Variants in FSTL5 observed in about 807,000 individuals in gnomAD.
FSTL5 encodes the protein follistatin like 5.
In FSTL5, 62 loss-of-function variants were observed where a neutral mutation model predicts 89.1. The observed-to-expected ratio is 0.70, with a 90% CI of 0.57 to 0.86. The LOEUF is 0.86. Among genes scored for constraint, FSTL5 ranks in the 40% least tolerant of loss-of-function variants. The pLI is 0.00. For synonymous variants in FSTL5, 383 were observed against 346.2 expected (o/e 1.11, Z -1.18); for missense variants, 1,057 against 1,001.6 (o/e 1.06, Z -0.75).
chr4:161,894,222 T>G (rs1255851357), intron 4 of FSTL5, among the ~76,000 whole-genome samples: 1 of 152,126 alleles, frequency 6.6e-6, no homozygotes, highest in Non-Finnish European at 1.5e-5. Context: ...TCAGGCCTCT[T>G]TGACTCCAGA....
At chr4:161,493,314 T>C (rs1317286733) in intron 12 of FSTL5, among the ~76,000 whole-genome samples, 5 of 151,806 alleles carry the variant, frequency 3.3e-5, no homozygotes, top group African/African-American at 1.2e-4. Flanking sequence ...AGATAATATT[T>C]AATATTGATA....
chr4:161,881,286 C>T (rs1732622957), intron 4 of FSTL5, among the ~76,000 whole-genome samples: 1 of 151,058 alleles, frequency 6.6e-6, no homozygotes, highest in Non-Finnish European at 1.5e-5. Flanking sequence ...TTTGAAGACA[C>T]ACACACACTT....
chr4:161,834,438 G>C (rs947814815), intron 4 of FSTL5, among the ~76,000 whole-genome samples: 8 of 152,142 alleles, frequency 5.3e-5, no homozygotes, highest in Non-Finnish European at 1.0e-4. Context: ...CATAGTGTTG[G>C]AAGTTCTGGC....
intron 13 of FSTL5, among the ~76,000 whole-genome samples, chr4:161,470,321 A>T (rs1327693871): frequency 2.6e-5 from 4 of 152,148 alleles, no homozygotes; most frequent in African/African-American, 9.6e-5. Context: ...GTGGACATCC[A>T]GTTTTCCCAG....
intron 2 of FSTL5, among the ~76,000 whole-genome samples, chr4:162,092,714 G>A (rs1730593343): frequency 6.6e-6 from 1 of 151,954 alleles, no homozygotes; most frequent in South Asian, 2.1e-4. Context: ...ACTTGGGGAG[G>A]CTGAGGCAGG....
chr4:161,986,445 A>G (rs1433748527), intron 3 of FSTL5, among the ~76,000 whole-genome samples: 2 of 152,084 alleles, frequency 1.3e-5, no homozygotes, highest in Non-Finnish European at 2.9e-5. Flanking sequence ...CCATTTACTC[A>G]GGAGGCTGAG....
chr4:162,054,440 A>G (rs1738474017), intron 2 of FSTL5, among the ~76,000 whole-genome samples: 1 of 151,800 alleles, frequency 6.6e-6, no homozygotes, highest in South Asian at 2.1e-4. Context: ...AAACATTACA[A>G]TGATAATAAA....
chr4:161,878,352 G>A (rs1732515923), intron 4 of FSTL5, among the ~76,000 whole-genome samples: 2 of 152,034 alleles, frequency 1.3e-5, no homozygotes, highest in African/African-American at 4.8e-5. Context: ...ATTATGGTTT[G>A]ACGATTTGAG....
At chr4:161,835,144 C>T (rs1420362849) in intron 4 of FSTL5, among the ~76,000 whole-genome samples, 2 of 149,256 alleles carry the variant, frequency 1.3e-5, no homozygotes, top group Admixed American at 6.7e-5. Flanking sequence ...TCAGAAATAA[C>T]GCTGCATATC....
intron 6 of FSTL5, among the ~76,000 whole-genome samples, chr4:161,689,191 TAGAA>T (rs141944853): frequency 3.7e-3 from 557 of 152,324 alleles, no homozygotes; most frequent in African/African-American, 0.012. Context: ...TTTCCTGGGA[TAGAA>T]GGACAGATTA....
intron 4 of FSTL5, among the ~76,000 whole-genome samples, chr4:161,917,147 G>A (rs922551821): frequency 3.9e-5 from 6 of 152,022 alleles, no homozygotes; most frequent in African/African-American, 1.2e-4. Context: ...TAGTAGAGAC[G>A]GGGTTTCACC....
At chr4:162,122,423 A>T (rs1234553914) in intron 1 of FSTL5, among the ~76,000 whole-genome samples, 2 of 152,068 alleles carry the variant, frequency 1.3e-5, no homozygotes, top group African/African-American at 4.8e-5. Flanking sequence ...TTCAAACACA[A>T]ACAATATTCT....
chr4:161,400,673 AT>A (rs1203954304), intron 15 of FSTL5, among the ~76,000 whole-genome samples: 5 of 152,286 alleles, frequency 3.3e-5, no homozygotes, highest in Middle Eastern at 6.8e-3. Context: ...AATATTACAT[AT>A]AGAAACATTG....
chr4:161,881,518 C>G (rs1357420071), intron 4 of FSTL5, among the ~76,000 whole-genome samples: 1 of 151,992 alleles, frequency 6.6e-6, no homozygotes, highest in African/African-American at 2.4e-5. Flanking sequence ...TTCTCGAAAT[C>G]ATGGTTTAAT....
At chr4:161,548,810 A>G (rs553829141) in intron 8 of FSTL5, among the ~76,000 whole-genome samples, 9 of 152,020 alleles carry the variant, frequency 5.9e-5, no homozygotes, top group Non-Finnish European at 1.0e-4. Flanking sequence ...TATTAATTGT[A>G]TAATTTTCAA....
chr4:161,634,349 C>T (rs2126659489), intron 7 of FSTL5, among the ~76,000 whole-genome samples: 1 of 152,194 alleles, frequency 6.6e-6, no homozygotes. Flanking sequence ...TTGCTCTAAC[C>T]TAAGCTATAA....
At chr4:161,429,566 A>G (rs1732281723) in intron 15 of FSTL5, among the ~76,000 whole-genome samples, 1 of 152,220 alleles carries the variant, frequency 6.6e-6, no homozygotes, top group Admixed American at 6.5e-5. Context: ...GTCTCTGCCC[A>G]GTAATCAGAT....
At chr4:161,391,476 T>C in intron 15 of FSTL5, among the ~76,000 whole-genome samples, 1 of 152,330 alleles carries the variant, frequency 6.6e-6, no homozygotes, top group African/African-American at 2.4e-5. Context: ...TCCATTATGT[T>C]ATAGCTGACA....
chr4:161,912,208 C>T (rs564824747), intron 4 of FSTL5, among the ~76,000 whole-genome samples: 1 of 152,186 alleles, frequency 6.6e-6, no homozygotes, highest in South Asian at 2.1e-4. Context: ...GCATTCTTTG[C>T]TTTTCAATAT....
Sources: allele counts gnomAD v4.1 joint callset (sites outside exome capture counted in the v4.1 genomes callset), GRCh38; gene constraint gnomAD v4.1.1; transcripts MANE v1.5; gene names NCBI Gene and HGNC (gene_info 2026-07-23, HGNC 2026-07-21).